The following USH2A variants were observed in gnomAD, a reference collection of about 807,000 sequenced individuals.
The protein encoded by USH2A is Usher syndrome 2A (autosomal recessive, mild).
A neutral mutation model predicts 538.9 loss-of-function variants in USH2A; 443 were observed. The observed-to-expected ratio is 0.82, with a 90% CI of 0.76 to 0.89. USH2A has a LOEUF of 0.89. Among genes scored for constraint, USH2A ranks in the 40% least tolerant of loss-of-function variants. USH2A has a pLI of 0.00. For missense variants in USH2A, 6,633 were observed against 6,324.8 expected (o/e 1.05, Z -1.65); for synonymous variants, 2,413 against 2,273.5 (o/e 1.06, Z -1.75).
At chr1:216,308,363 T>G (rs1021735210) in intron 9 of USH2A, among the ~76,000 whole-genome samples, 1 of 152,122 alleles carries the variant, frequency 6.6e-6, no homozygotes. Context: ...ATTTCCAGAT[T>G]TTGCCATCTT....
rs1659877477 is a variant in USH2A at position 215,728,008 on chromosome 1, T to A, written c.12066+22A>T. ...ATTCACCAGATAATCTGCATGTCTG[T>A]TACTTTTCTAAAGGGTCTTACCTTC... On this transcript the variant is annotated intron_variant, in intron 61 of 71. Coordinates refer to ENST00000307340, the MANE Select transcript of USH2A (RefSeq NM_206933.4). The A allele has an allele frequency of 2.5e-6, 4 of 1,610,776 alleles. No individual in the cohort carries two copies. The East Asian group carries it at 8.9e-5, about 36-fold the overall frequency.
At chr1:215,809,822 A>G (rs1051744540) in intron 49 of USH2A, among the ~76,000 whole-genome samples, 2 of 152,198 alleles carry the variant, frequency 1.3e-5, no homozygotes, top group Admixed American at 6.5e-5. Context: ...AGGCTAATCC[A>G]TAAATATCAA....
rs541809041 is a variant in USH2A at position 216,390,555 on chromosome 1, T to C, written c.652-25470A>G. On this transcript the variant is annotated intron_variant, in intron 3 of 71. Coordinates refer to ENST00000307340, the MANE Select transcript of USH2A (RefSeq NM_206933.4). ...GGGTTACATGCATTCTACTGTTCAA[T>C]TAAAACATTTTAGAATATGTTATTT... Among the ~76,000 whole-genome samples the C allele has an allele frequency of 2.6e-5, 4 of 152,312 alleles. No individual in the cohort carries two copies. In the East Asian group the frequency reaches 7.7e-4, roughly 29 times the overall value.
At chr1:215,665,622 C>T (rs113556938) in intron 64 of USH2A, among the ~76,000 whole-genome samples, 207 of 152,314 alleles carry the variant, frequency 1.4e-3, no homozygotes, top group African/African-American at 4.9e-3. Context: ...TAGACTCACA[C>T]CCAGGTCCCT....
At chr1:216,378,931 G>T (rs559212435) in intron 3 of USH2A, among the ~76,000 whole-genome samples, 47 of 152,198 alleles carry the variant, frequency 3.1e-4, no homozygotes, top group African/African-American at 1.0e-3. Flanking sequence ...CTGCAGATGT[G>T]TTTCTATTCA....
rs754075911 is a variant in USH2A at position 215,965,445 on chromosome 1, C to T, written c.6992G>A (p.Gly2331Glu). ...ENRTLEAPPEGTVNVFVKTQG... is the reference protein window; with the variant it reads ...ENRTLEAPPEETVNVFVKTQG... ...TGTTTTGACAAACACATTTACTGTTCCTTCAGGAGGAGCTTCTAGAGTTCG... is the reference window on the plus strand; with the variant it reads ...TGTTTTGACAAACACATTTACTGTTTCTTCAGGAGGAGCTTCTAGAGTTCG... Residue 2331 changes from glycine (G) to glutamate (E), a missense_variant, in exon 37 of 72, where the codon GGA becomes GAA. Coordinates refer to ENST00000307340, the MANE Select transcript of USH2A (RefSeq NM_206933.4). The T allele has an allele frequency of 6.2e-7, 1 of 1,613,660 alleles. No individual in the cohort carries two copies. Among genetic ancestry groups the T allele is most frequent in the Non-Finnish European group, 8.5e-7 (1 of 1,179,748 alleles).
chr1:215,777,015 ACT>A (rs1250059577), intron 55 of USH2A, among the ~76,000 whole-genome samples: 1 of 152,186 alleles, frequency 6.6e-6, no homozygotes, highest in Non-Finnish European at 1.5e-5. Context: ...CAAGTGAAAT[ACT>A]CTCTAAATCT....
chr1:215,966,981 C>T (rs1026572144), intron 36 of USH2A, among the ~76,000 whole-genome samples: 2 of 152,112 alleles, frequency 1.3e-5, no homozygotes, highest in Non-Finnish European at 2.9e-5. Flanking sequence ...TACTATTTTG[C>T]TCTGACCTGG....
At chr1:216,228,732 AACGGACTAATACAGGG>A (rs573013724) in intron 14 of USH2A, among the ~76,000 whole-genome samples, 167 of 152,250 alleles carry the variant, frequency 1.1e-3, no homozygotes, top group African/African-American at 3.7e-3. Flanking sequence ...GCAGCATGAA[AACGGACTAATACAGGG>A]ATGGAAGAAA....
intron 38 of USH2A, among the ~76,000 whole-genome samples, chr1:215,926,063 C>T (rs575043444): frequency 6.6e-6 from 1 of 152,170 alleles, no homozygotes; most frequent in African/African-American, 2.4e-5. Flanking sequence ...AAATATTTTA[C>T]AATTCTCAGT....
intron 61 of USH2A, among the ~76,000 whole-genome samples, chr1:215,709,325 A>G (rs1033444251): frequency 6.6e-6 from 1 of 152,190 alleles, no homozygotes; most frequent in African/African-American, 2.4e-5. Context: ...TAACTAGTAC[A>G]TATTTTATAA....
At chr1:216,289,638 C>G (rs1226607540) in intron 10 of USH2A, among the ~76,000 whole-genome samples, 3 of 152,080 alleles carry the variant, frequency 2.0e-5, no homozygotes, top group Non-Finnish European at 4.4e-5. Context: ...TTATATAATA[C>G]CACACTTCTA....
At chr1:216,138,538 C>G (rs1052315893) in intron 21 of USH2A, among the ~76,000 whole-genome samples, 1 of 152,090 alleles carries the variant, frequency 6.6e-6, no homozygotes, top group Non-Finnish European at 1.5e-5. Context: ...TTTTTTCTGT[C>G]TTTTATTTTT....
chr1:215,878,475 C>T (rs571830966), intron 42 of USH2A, among the ~76,000 whole-genome samples: 1 of 152,248 alleles, frequency 6.6e-6, no homozygotes, highest in African/African-American at 2.4e-5. Flanking sequence ...GTTTGCCTAA[C>T]ATATAATAAA....
chr1:215,643,982 C>CA (rs1487742428), intron 67 of USH2A, among the ~76,000 whole-genome samples: 1 of 152,156 alleles, frequency 6.6e-6, no homozygotes, highest in Non-Finnish European at 1.5e-5. Context: ...CCACATCAAC[C>CA]AAAAAACTGC....
At chr1:216,396,835 G>C (rs889398454) in intron 3 of USH2A, among the ~76,000 whole-genome samples, 1 of 152,120 alleles carries the variant, frequency 6.6e-6, no homozygotes, top group Non-Finnish European at 1.5e-5. Flanking sequence ...AGACATATCT[G>C]CCAAAATTCG....
intron 64 of USH2A, among the ~76,000 whole-genome samples, chr1:215,660,470 A>G (rs1657406348): frequency 1.3e-5 from 2 of 152,282 alleles, no homozygotes; most frequent in South Asian, 4.2e-4. Flanking sequence ...TTACACATTA[A>G]TAAGATTGGA....
rs2037015951 is a variant in USH2A at position 216,292,255 on chromosome 1, T to C, written c.1760A>G (p.Asn587Ser). Residue 587 changes from asparagine (N) to serine (S), a missense_variant, in exon 10 of 72, where the codon AAC (asparagine) becomes AGC (serine). Asn to Ser is a conservative substitution (Grantham distance 46, BLOSUM62 1). Coordinates refer to ENST00000307340, the MANE Select transcript of USH2A (RefSeq NM_206933.4). ...AAAAGGAAATGGGTCTACAGAGATG[T>C]TGTAATGGCAGCTTTTGGAATGGCT... is the stretch of plus-strand genomic sequence containing the variant. ...CNSHSKSCHYNISVDPFPFEH... is the reference protein window; with the variant it reads ...CNSHSKSCHYSISVDPFPFEH... The C allele has an allele frequency of 2.5e-6, 4 of 1,614,112 alleles. No homozygotes were observed. The highest frequency in any genetic ancestry group is 1.1e-5 in the South Asian group (1 of 91,086).
intron 58 of USH2A, among the ~76,000 whole-genome samples, chr1:215,747,987 G>T (rs1204692296): frequency 6.6e-6 from 1 of 151,670 alleles, no homozygotes; most frequent in East Asian, 1.9e-4. Context: ...CGCCTCCCGG[G>T]TTCACGCCAT....
Sources: gnomAD v4.1 joint callset for allele counts (sites outside exome capture counted in the v4.1 genomes callset) on GRCh38, gnomAD v4.1.1 for gene constraint, MANE v1.5 for transcripts, NCBI Gene and HGNC (gene_info 2026-07-23, HGNC 2026-07-21) for gene names.